The following POLR2D variants were observed in gnomAD, a reference collection of about 807,000 sequenced individuals.
POLR2D encodes RNA polymerase II subunit D, also known as DNA-directed RNA polymerase II subunit RPB4.
In POLR2D, 10 loss-of-function variants were observed where a neutral mutation model predicts 17.6. The ratio of observed to expected loss-of-function variants is 0.57; its 90% CI spans 0.35 to 0.96. The LOEUF is 0.96. POLR2D is among the 40% of genes least tolerant of loss of function. POLR2D has a pLI of 0.02. For missense variants in POLR2D, 126 were observed against 176.4 expected, an observed-to-expected ratio of 0.71 and a Z score of 1.62; for synonymous variants, 52 against 60.2, an observed-to-expected ratio of 0.86 and a Z score of 0.63.
rs1462768051 is a variant in POLR2D, at chr2:127,844,355, TA to T, written c.*3751del. 1 of 152,194 alleles carries T rather than the reference TA, an allele frequency of 6.6e-6. No individual in the cohort carries two copies. The highest frequency in any genetic ancestry group is 2.4e-5 in the African/African-American group (1 of 41,448). The allele number at this position is 152,194 out of a possible 1,614,324, so 9.4% of individuals were successfully genotyped here. A position where few individuals can be genotyped will look rare whatever the true frequency, so the allele number is the denominator to read the frequency against. ...ACAGCGCAGGAACAAACTAAGACAC[TA>T]AAACTTTCAGAAAGACTTATCTGGT... is the stretch of plus-strand genomic sequence containing the variant. On this transcript the variant is annotated 3_prime_UTR_variant, in exon 4 of 4. Coordinates refer to ENST00000272645, the MANE Select transcript of POLR2D (RefSeq NM_004805.4).
rs944808319 is a variant in POLR2D at position 127,852,211 on chromosome 2, C to T, written c.254+714G>A. 1.3e-5 allele frequency among the ~76,000 whole-genome samples: 2 copies of T among 152,102 alleles called. No individual in the cohort carries two copies. The highest frequency in any genetic ancestry group is 2.4e-5 in the African/African-American group (1 of 41,402). ...AAAATAACAAAAAAAGTTACTTCCCCACTAACAGTACCATTTAGATCACAC... is the reference window on the plus strand; with the variant it reads ...AAAATAACAAAAAAAGTTACTTCCCTACTAACAGTACCATTTAGATCACAC... On this transcript the variant is annotated intron_variant, in intron 2 of 3. Coordinates refer to ENST00000272645, the MANE Select transcript of POLR2D (RefSeq NM_004805.4). This position sits in a 1 kb window ranked among gnomAD's most constrained non-coding sequence, Gnocchi z 4.0.
In POLR2D at chr2:127,846,213, A is replaced by G. The variant is rs917110057; in HGVS notation, c.*1894T>C. ...GGTTGCAGTGAGCCAAGATTGCGCC[A>G]TTGCATCCTGGGCAACACAGCCAGA... On this transcript the variant is annotated 3_prime_UTR_variant, in exon 4 of 4. Coordinates refer to ENST00000272645, the MANE Select transcript of POLR2D (RefSeq NM_004805.4). 1.3e-5 allele frequency: 2 copies of G among 152,238 alleles called. No individual in the cohort carries two copies. The highest frequency in any genetic ancestry group is 1.3e-4 in the Admixed American group (2 of 15,280). 9.4% of individuals were successfully genotyped at this position (152,238 alleles called of 1,614,324 possible).
Position 127,847,213 on chromosome 2 carries a change from C to T in POLR2D, c.*894G>A, listed in dbSNP as rs1558980393. On this transcript the variant is annotated 3_prime_UTR_variant, in exon 4 of 4. Coordinates refer to ENST00000272645, the MANE Select transcript of POLR2D (RefSeq NM_004805.4). ...AGTTCAAGAAGAAAGGCAAAGTAGC[C>T]ATCTATCTCAAGGGGCTATGGGCTC... The T allele has an allele frequency of 6.6e-6, 1 of 152,158 alleles. No individual in the cohort carries two copies. The highest frequency in any genetic ancestry group is 2.4e-5 in the African/African-American group (1 of 41,432). 9.4% of individuals were successfully genotyped at this position (152,158 alleles called of 1,614,324 possible). A position where few individuals can be genotyped will look rare whatever the true frequency, so the allele number is the denominator to read the frequency against.
At chr2:127,851,928 C>T (rs893725553) in intron 2 of POLR2D, among the ~76,000 whole-genome samples, 2 of 152,176 alleles carry the variant, frequency 1.3e-5, no homozygotes, top group African/African-American at 4.8e-5. Context: ...GTAGCTGGGA[C>T]TACAGGCATG....
rs143303718 is a variant in POLR2D at position 127,847,704 on chromosome 2, G to A, written c.*403C>T. Reference sequence around the variant, plus strand: ...TTCCTTTAGTATCTAGGTAAAACTGGTCTTTCTCTATAAAGTCTACTATCT... The same window carrying A: ...TTCCTTTAGTATCTAGGTAAAACTGATCTTTCTCTATAAAGTCTACTATCT... On this transcript the variant is annotated 3_prime_UTR_variant, in exon 4 of 4. Transcript: ENST00000272645. 680 of 181,954 alleles carry A rather than the reference G, an allele frequency of 3.7e-3. 6 individuals are homozygous for A. Among genetic ancestry groups the A allele is most frequent in the Non-Finnish European group, 4.2e-3 (363 of 86,416 alleles). 11.3% of individuals were successfully genotyped at this position (181,954 alleles called of 1,614,324 possible).
chr2:127,851,859 T>C (rs933077520), intron 2 of POLR2D, among the ~76,000 whole-genome samples: 2 of 152,214 alleles, frequency 1.3e-5, no homozygotes, highest in African/African-American at 4.8e-5. Flanking sequence ...GGCACGATCT[T>C]GGCTGACTGC....
Position 127,844,213 on chromosome 2 carries a change from G to A in POLR2D, c.*3894C>T, listed in dbSNP as rs946130443. On this transcript the variant is annotated 3_prime_UTR_variant, in exon 4 of 4. Coordinates refer to ENST00000272645, the MANE Select transcript of POLR2D (RefSeq NM_004805.4). Reference sequence around the variant, plus strand: ...AAAAGGCACCATCTTGGACCAGAAAGCCGCCCTTGCCAGACACTGAACGTA... The same window carrying A: ...AAAAGGCACCATCTTGGACCAGAAAACCGCCCTTGCCAGACACTGAACGTA... The A allele has an allele frequency of 6.7e-6, 1 of 150,168 alleles. No individual in the cohort carries two copies. The highest frequency in any genetic ancestry group is 1.5e-5 in the Non-Finnish European group (1 of 67,832). 9.3% of individuals were successfully genotyped at this position (150,168 alleles called of 1,614,324 possible).
chr2:127,852,145 G>C lies in POLR2D; in HGVS notation c.254+780C>G, dbSNP rs1293621160. ...GGATCAATTGAGGCCAGGAGTTTGA[G>C]ACCAGCCTGGACAACATAGTAAGTC... On this transcript the variant is annotated intron_variant, in intron 2 of 3. Transcript: ENST00000272645. The surrounding 1 kb of genome is among the most constrained non-coding windows in gnomAD (Gnocchi z 4.0). Among the ~76,000 whole-genome samples, 1 of 152,110 alleles carries C rather than the reference G, an allele frequency of 6.6e-6. No individual in the cohort carries two copies. The highest frequency in any genetic ancestry group is 1.5e-5 in the Non-Finnish European group (1 of 68,036).
chr2:127,853,530 T>C (rs1690282329), intron 1 of POLR2D, among the ~76,000 whole-genome samples: 1 of 152,158 alleles, frequency 6.6e-6, no homozygotes, highest in African/African-American at 2.4e-5. Flanking sequence ...CCATCCATGT[T>C]GCTGCAAAAG....
At chr2:127,856,608 T>A (rs1359190824) in intron 1 of POLR2D, among the ~76,000 whole-genome samples, 3 of 150,814 alleles carry the variant, frequency 2.0e-5, no homozygotes, top group Non-Finnish European at 4.4e-5. Context: ...AAAAAAAAAA[T>A]TAAAAAAAAT....
At chr2:127,850,807 C>A in intron 2 of POLR2D, 122 bp from the exon 3 acceptor site, 1 of 609,982 alleles carries the variant, frequency 1.6e-6, no homozygotes. Context: ...AGCTAGACGG[C>A]CAGGTGTAGT....
Position 127,852,077 on chromosome 2 carries a change from C to T in POLR2D, c.254+848G>A, listed in dbSNP as rs1270275218. Among the ~76,000 whole-genome samples, 2 of 152,122 alleles carry T rather than the reference C, an allele frequency of 1.3e-5. No homozygotes were observed. The highest frequency in any genetic ancestry group is 3.9e-4 in the East Asian group (2 of 5,190). On this transcript the variant is annotated intron_variant, in intron 2 of 3. Coordinates refer to ENST00000272645, the MANE Select transcript of POLR2D (RefSeq NM_004805.4). This position sits in a 1 kb window ranked among gnomAD's most constrained non-coding sequence, Gnocchi z 4.0. ...GTGCTGGAATTACAGGCATGAGCCA[C>T]TGCACCCGGCCAATCCCAGCACTTT...
intron 1 of POLR2D, among the ~76,000 whole-genome samples, chr2:127,854,993 C>T (rs1573521023): frequency 1.1e-5 from 1 of 89,088 alleles, no homozygotes; most frequent in Non-Finnish European, 2.0e-5. Context: ...TAACAAATGA[C>T]ATCAGGCCAA....
rs1475106803 is a variant in POLR2D at position 127,844,010 on chromosome 2, G to A, written c.*4097C>T. Reference sequence around the variant, plus strand: ...TCCCAGCTATCCAAGAGGCTGAGGTGGGATGATCGCTGGAGAGTGGGAGAT... The same window carrying A: ...TCCCAGCTATCCAAGAGGCTGAGGTAGGATGATCGCTGGAGAGTGGGAGAT... On this transcript the variant is annotated 3_prime_UTR_variant, in exon 4 of 4. Coordinates refer to ENST00000272645, the MANE Select transcript of POLR2D (RefSeq NM_004805.4). 6.6e-6 allele frequency: 1 copy of A among 152,558 alleles called. No homozygotes were observed. The highest frequency in any genetic ancestry group is 1.5e-5 in the Non-Finnish European group (1 of 67,980). 9.5% of individuals were successfully genotyped at this position (152,558 alleles called of 1,614,324 possible). A position where few individuals can be genotyped will look rare whatever the true frequency, so the allele number is the denominator to read the frequency against.
intron 3 of POLR2D, among the ~76,000 whole-genome samples, chr2:127,849,913 A>C (rs1237231136): frequency 6.6e-6 from 1 of 152,162 alleles, no homozygotes; most frequent in Non-Finnish European, 1.5e-5. Context: ...AATGAACACT[A>C]AAATATACGT....
Position 127,850,590 on chromosome 2 carries a change from C to T in POLR2D, c.350G>A (p.Ser117Asn). The T allele has an allele frequency of 1.4e-6, 2 of 1,445,942 alleles. No homozygotes were observed. The highest frequency in any genetic ancestry group is 1.9e-6 in the Non-Finnish European group (2 of 1,043,724). The allele number at this position is 1,445,942 out of a possible 1,614,324, so 89.6% of individuals were successfully genotyped here. The change falls in exon 3 of 4, where the codon AGC (serine) becomes AAC (asparagine). Residue 117 changes from serine (S) to asparagine (N), a missense_variant and splice_region_variant. Coordinates refer to ENST00000272645, the MANE Select transcript of POLR2D (RefSeq NM_004805.4). ...TAEESKALIPSLEGRFEDEEL... is the reference protein window; with the variant it reads ...TAEESKALIPNLEGRFEDEEL... The stretch of plus-strand genomic sequence containing the variant: ...AGAACTTATCACAACTGGTACTAAC[C>T]TTGGGATTAGAGCCTTGGACTCCTC...
intron 1 of POLR2D, among the ~76,000 whole-genome samples, chr2:127,854,924 A>T (rs1690304320): frequency 6.7e-6 from 1 of 149,350 alleles, no homozygotes; most frequent in Non-Finnish European, 1.5e-5. Flanking sequence ...CACAGCAATG[A>T]GTAGAGGAAA....
chr2:127,855,832 A>T (rs975607613), intron 1 of POLR2D, among the ~76,000 whole-genome samples: 1 of 152,250 alleles, frequency 6.6e-6, no homozygotes, highest in African/African-American at 2.4e-5. Flanking sequence ...CAATTTATTT[A>T]GAAACAAAAG....
Position 127,847,528 on chromosome 2 carries a change from CCA to C in POLR2D, c.*577_*578del, listed in dbSNP as rs1690176225. On this transcript the variant is annotated 3_prime_UTR_variant, in exon 4 of 4. Coordinates refer to ENST00000272645, the MANE Select transcript of POLR2D (RefSeq NM_004805.4). ...AGAGTTGTGGTGCACACCTGTGGCC[CCA>C]GTTATTTGGGAGGCTGAGGCAGCGG... 1 of 154,950 alleles carries C rather than the reference CCA, an allele frequency of 6.5e-6. No homozygotes were observed. The highest frequency in any genetic ancestry group is 2.4e-5 in the African/African-American group (1 of 41,266). 9.6% of individuals were successfully genotyped at this position (154,950 alleles called of 1,614,324 possible).
Sources: gnomAD v4.1 joint callset for allele counts (sites outside exome capture counted in the v4.1 genomes callset) on GRCh38, gnomAD v4.1.1 for gene constraint, Gnocchi (gnomAD v3.1) non-coding constraint, MANE v1.5 for transcripts, NCBI Gene and HGNC (gene_info 2026-07-23, HGNC 2026-07-21) for gene names.